VOPP1: variants seen among roughly 807,000 people sequenced by gnomAD.
The protein encoded by VOPP1 is VOPP1 WW domain binding protein.
Under a neutral mutation model 23.5 loss-of-function variants are expected in VOPP1, and 8 were observed. The observed-to-expected ratio is 0.34, with a 90% CI of 0.20 to 0.61. The LOEUF (loss-of-function observed/expected upper bound fraction) is 0.61. Ranked by LOEUF, VOPP1 falls within the 20% of genes least tolerant of loss-of-function variation. VOPP1 has a pLI of 0.78. For missense variants in VOPP1, 174 were observed against 238.1 expected (o/e 0.73, Z 1.77); for synonymous variants, 83 against 97.3 (o/e 0.85, Z 0.86).
intron 1 of VOPP1, among the ~76,000 whole-genome samples, chr7:55,564,615 T>C (rs190418065): frequency 1.2e-3 from 189 of 152,322 alleles, no homozygotes; most frequent in African/African-American, 4.3e-3. Context: ...CTTCTTAATC[T>C]AGTCACAGAT....
rs139723522 is a variant in VOPP1 at position 55,460,520 on chromosome 7, T to C, written n.418-24346A>G. On this transcript the variant is annotated intron_variant and non_coding_transcript_variant, in intron 4 of 4. Coordinates refer to the VOPP1 transcript ENST00000462326. ...GATTGTTGAAGTCCCCAACTATTAT[T>C]GTATTGAAGTCTATCTCTCCCTATA... 1.8e-3 allele frequency among the ~76,000 whole-genome samples: 280 copies of C among 152,334 alleles called. 4 individuals carry two copies. Among genetic ancestry groups the C allele is most frequent in the Admixed American group, 0.015 (237 of 15,298 alleles).
At chr7:55,540,085 T>C (rs1415122266) in intron 1 of VOPP1, among the ~76,000 whole-genome samples, 3 of 152,028 alleles carry the variant, frequency 2.0e-5, no homozygotes, top group African/African-American at 4.8e-5. Flanking sequence ...AGGTAACACA[T>C]GTCTGTTTAG....
At chr7:55,528,988 A>G (rs1445990735) in intron 1 of VOPP1, among the ~76,000 whole-genome samples, 2 of 152,232 alleles carry the variant, frequency 1.3e-5, no homozygotes, top group East Asian at 1.9e-4. Flanking sequence ...TCACAGTGTT[A>G]TATTTGGATG....
intron 4 of VOPP1, among the ~76,000 whole-genome samples, chr7:55,445,264 G>C (rs28510926): frequency 1.4e-4 from 12 of 85,982 alleles, no homozygotes; most frequent in Non-Finnish European, 2.1e-4. Context: ...CACACACACA[G>C]ACATACACAC....
chr7:55,529,990 G>A (rs1370914221), intron 1 of VOPP1, among the ~76,000 whole-genome samples: 1 of 152,070 alleles, frequency 6.6e-6, no homozygotes, highest in African/African-American at 2.4e-5. Context: ...CTGCATTTTG[G>A]CTGTTATCAA....
chr7:55,519,450 G>T (rs906618306), intron 2 of VOPP1, among the ~76,000 whole-genome samples: 2 of 152,198 alleles, frequency 1.3e-5, no homozygotes, highest in Non-Finnish European at 2.9e-5. Flanking sequence ...TGGAGAAATA[G>T]GGTTTTAAGG....
intron 4 of VOPP1, among the ~76,000 whole-genome samples, chr7:55,488,579 T>C (rs1029754192): frequency 1.3e-5 from 2 of 152,252 alleles, no homozygotes; most frequent in Middle Eastern, 3.4e-3. Flanking sequence ...GAAGCCTCTT[T>C]GCAATGCACA....
chr7:55,507,617 AC>A lies in VOPP1; in HGVS notation c.114-9928del, dbSNP rs920338527. Among the ~76,000 whole-genome samples the A allele has an allele frequency of 2.0e-5, 3 of 152,162 alleles. 1 individual carries two copies. Among genetic ancestry groups the A allele is most frequent in the African/African-American group, 7.2e-5 (3 of 41,432 alleles). ...CATCTTTCCAAACACAAGATTTTAG[AC>A]CATTTTATCTGTCTTGCTTTCAAGT... is the stretch of plus-strand genomic sequence containing the variant. On this transcript the variant is annotated intron_variant, in intron 2 of 4. Transcript: ENST00000285279.
chr7:55,485,079 C>T (rs925689323), intron 4 of VOPP1, among the ~76,000 whole-genome samples: 1 of 152,148 alleles, frequency 6.6e-6, no homozygotes, highest in African/African-American at 2.4e-5. Flanking sequence ...TAGGATTAGC[C>T]CTGGGATTCT....
intron 2 of VOPP1, among the ~76,000 whole-genome samples, chr7:55,514,744 G>A (rs939636562): frequency 1.3e-5 from 2 of 152,134 alleles, no homozygotes; most frequent in Non-Finnish European, 1.5e-5. Flanking sequence ...AGATGACACC[G>A]CAGAGTGCTT....
At chr7:55,514,453 A>G (rs566602620) in intron 2 of VOPP1, among the ~76,000 whole-genome samples, 47 of 152,302 alleles carry the variant, frequency 3.1e-4, no homozygotes, top group South Asian at 2.1e-3. Context: ...AGCCCCTTAA[A>G]TATTTTCCAT....
At chr7:55,564,467 A>C (rs1006442186) in intron 1 of VOPP1, among the ~76,000 whole-genome samples, 2 of 152,176 alleles carry the variant, frequency 1.3e-5, no homozygotes, top group African/African-American at 2.4e-5. Flanking sequence ...CTGTCACCTG[A>C]GTAGCTGCTC....
rs926482535 is a variant in VOPP1, at chr7:55,476,596, G to A, written c.329-3551C>T. Among the ~76,000 whole-genome samples the A allele has an allele frequency of 1.3e-4, 20 of 152,246 alleles. No homozygotes were observed. In the East Asian group the frequency reaches 1.4e-3, roughly 10 times the overall value. On this transcript the variant is annotated intron_variant, in intron 4 of 4. Coordinates refer to ENST00000285279, the MANE Select transcript of VOPP1 (RefSeq NM_030796.5). ...GCCCAGGGGCCTGACTCCTGACAGC[G>A]TTCCAGTTACACCAGGATCCCCACA...
chr7:55,436,661 TGTGTGCGTGC>T (rs1198870882), intron 4 of VOPP1, among the ~76,000 whole-genome samples: 3 of 151,678 alleles, frequency 2.0e-5, no homozygotes, highest in Non-Finnish European at 2.9e-5. Context: ...TGTGTGTGCG[TGTGTGCGTGC>T]GTGTGCGTGT....
intron 4 of VOPP1, among the ~76,000 whole-genome samples, chr7:55,452,848 T>A (rs74477925): frequency 0.012 from 1,830 of 152,368 alleles, 13 homozygotes; most frequent in Admixed American, 0.021. Context: ...GAGTAGATTT[T>A]GCATAATTCT....
chr7:55,454,994 A>T (rs1276413901), intron 4 of VOPP1, among the ~76,000 whole-genome samples: 1 of 152,230 alleles, frequency 6.6e-6, no homozygotes, highest in Non-Finnish European at 1.5e-5. Context: ...AGCGTATTCA[A>T]TTAGGAAAAG....
intron 4 of VOPP1, among the ~76,000 whole-genome samples, chr7:55,462,121 G>C (rs56845442): frequency 1.1e-4 from 16 of 152,234 alleles, no homozygotes; most frequent in Non-Finnish European, 2.2e-4. Context: ...GTGTTCTTGC[G>C]TGACAGTTTT....
intron 4 of VOPP1, among the ~76,000 whole-genome samples, chr7:55,439,480 AG>A (rs1562876262): frequency 6.6e-6 from 1 of 152,208 alleles, no homozygotes. Flanking sequence ...TGAGCGAAAT[AG>A]GGTCAAGAAA....
intron 4 of VOPP1, among the ~76,000 whole-genome samples, chr7:55,464,232 C>G (rs141189018): frequency 1.6e-4 from 25 of 152,258 alleles, no homozygotes; most frequent in Middle Eastern, 3.4e-3. Context: ...CCATGGTCAC[C>G]TTAACAACAT....
Sources: gnomAD v4.1 joint callset for allele counts (sites outside exome capture counted in the v4.1 genomes callset) on GRCh38, gnomAD v4.1.1 for gene constraint, MANE v1.5 for transcripts, NCBI Gene and HGNC (gene_info 2026-07-23, HGNC 2026-07-21) for gene names.